The following CDH4 variants were observed in gnomAD, a reference collection of about 807,000 sequenced individuals.
CDH4 encodes cadherin 4.
Under a neutral mutation model 86.0 loss-of-function variants are expected in CDH4, and 33 were observed. The observed-to-expected ratio is 0.38, with a 90% confidence interval of 0.29 to 0.51. The LOEUF (loss-of-function observed/expected upper bound fraction) is 0.51. Among genes scored for constraint, CDH4 ranks in the 20% least tolerant of loss-of-function variants. The pLI, the probability that CDH4 is intolerant of heterozygous loss-of-function variation, is 0.86. For synonymous variants in CDH4, 555 were observed against 549.4 expected, an observed-to-expected ratio of 1.01 and a Z score of -0.14; for missense variants, 1,114 against 1,307.4, an observed-to-expected ratio of 0.85 and a Z score of 2.28.
At chr20:61,330,945 G>T (rs1600872088) in intron 2 of CDH4, among the ~76,000 whole-genome samples, 1 of 152,264 alleles carries the variant, frequency 6.6e-6, no homozygotes, top group East Asian at 1.9e-4. Flanking sequence ...ACACCTGGGA[G>T]AGGGTCTGTG....
At chr20:61,832,002 A>G (rs34842344) in intron 4 of CDH4, among the ~76,000 whole-genome samples, 67,842 of 152,126 alleles carry the variant, frequency 0.45, 17,206 homozygotes, top group Non-Finnish European at 0.58. Context: ...ATCTCCTTTG[A>G]CCAGGAGACC....
In CDH4 at chr20:61,458,617, T is replaced by A. The variant is rs533257718; in HGVS notation, c.169+203680T>A. On this transcript the variant is annotated intron_variant, in intron 2 of 15. Transcript: ENST00000614565. ...TAGTCATAATGGTAATGGTAATGAC[T>A]GGTGACAGTAGTGGTATTGGTGGTG... 9.3e-4 allele frequency among the ~76,000 whole-genome samples: 142 copies of A among 152,210 alleles called. 1 individual carries two copies. Among genetic ancestry groups the A allele is most frequent in the African/African-American group, 3.2e-3 (133 of 41,526 alleles).
chr20:61,643,210 G>A (rs968608291), intron 2 of CDH4, among the ~76,000 whole-genome samples: 2 of 152,184 alleles, frequency 1.3e-5, no homozygotes, highest in East Asian at 1.9e-4. Flanking sequence ...AGGGAGGGGG[G>A]GTGTAGAGAG....
At chr20:61,815,734 T>C (rs1162576197) in intron 4 of CDH4, among the ~76,000 whole-genome samples, 1 of 152,180 alleles carries the variant, frequency 6.6e-6, no homozygotes, top group Non-Finnish European at 1.5e-5. Context: ...AGAATTAAAA[T>C]AAACCAAAGG....
chr20:61,413,413 G>A (rs115886883), intron 2 of CDH4, among the ~76,000 whole-genome samples: 2,980 of 152,200 alleles, frequency 0.02, 92 homozygotes, highest in African/African-American at 0.066. Flanking sequence ...TTGTGGAGCC[G>A]GGCTTCTCCT....
intron 4 of CDH4, among the ~76,000 whole-genome samples, chr20:61,791,208 G>T (rs1236833605): frequency 4.6e-5 from 7 of 152,262 alleles, no homozygotes; most frequent in Non-Finnish European, 1.0e-4. Context: ...GACAGTGGTG[G>T]ACAATTCTTC....
Position 61,544,047 on chromosome 20 carries a change from C to T in CDH4, c.170-199516C>T, listed in dbSNP as rs552905562. Among the ~76,000 whole-genome samples the T allele has an allele frequency of 6.6e-6, 1 of 152,258 alleles. No homozygotes were observed. Among genetic ancestry groups the T allele is most frequent in the African/African-American group, 2.4e-5 (1 of 41,556 alleles). On this transcript the variant is annotated intron_variant, in intron 2 of 15. Transcript: ENST00000614565. The surrounding 1 kb of genome is among the most constrained non-coding windows in gnomAD (Gnocchi z 6.5). ...CTGGAGGCTGCCCCACACCCCCGGC[C>T]CCACACCTGGCTCTTGGCACTAAGG...
chr20:61,393,202 C>T lies in CDH4; in HGVS notation c.169+138265C>T, dbSNP rs1015946968. 6.6e-6 allele frequency among the ~76,000 whole-genome samples: 1 copy of T among 152,134 alleles called. No individual in the cohort carries two copies. Among genetic ancestry groups the T allele is most frequent in the Non-Finnish European group, 1.5e-5 (1 of 68,028 alleles). On this transcript the variant is annotated intron_variant, in intron 2 of 15. Coordinates refer to ENST00000614565, the MANE Select transcript of CDH4 (RefSeq NM_001794.5). The surrounding 1 kb of genome is among the most constrained non-coding windows in gnomAD (Gnocchi z 4.3). Reference sequence around the variant, plus strand: ...GGTGACATTGACAACACTGTTTAATCGGTCCTCGCGGGAGCTTCCCTGGGG... The same window carrying T: ...GGTGACATTGACAACACTGTTTAATTGGTCCTCGCGGGAGCTTCCCTGGGG...
intron 2 of CDH4, among the ~76,000 whole-genome samples, chr20:61,701,237 C>G (rs946837382): frequency 6.6e-6 from 1 of 152,230 alleles, no homozygotes; most frequent in Non-Finnish European, 1.5e-5. Context: ...CCACCTTACT[C>G]CAATATGACC....
intron 2 of CDH4, among the ~76,000 whole-genome samples, chr20:61,323,724 C>T (rs2084521397): frequency 6.6e-6 from 1 of 152,148 alleles, no homozygotes; most frequent in African/African-American, 2.4e-5. Context: ...TGTGGCTATG[C>T]AGGAACACTG....
At chr20:61,693,568 CCT>C (rs1357063709) in intron 2 of CDH4, among the ~76,000 whole-genome samples, 1 of 152,250 alleles carries the variant, frequency 6.6e-6, no homozygotes, top group Non-Finnish European at 1.5e-5. Flanking sequence ...CCACCTGCCT[CCT>C]CTGCCCTGCG....
Position 61,555,516 on chromosome 20 carries a change from G to A in CDH4, c.170-188047G>A, listed in dbSNP as rs544300263. 2.6e-5 allele frequency among the ~76,000 whole-genome samples: 4 copies of A among 152,300 alleles called. No individual in the cohort carries two copies. The East Asian group carries it at 7.7e-4, about 29-fold the overall frequency. ...CCTCACTCTCCAGCCCGGTCCATTT[G>A]CCATGACGATCATGCCCCACACCTG... On this transcript the variant is annotated intron_variant, in intron 2 of 15. Transcript: ENST00000614565.
chr20:61,828,247 G>T (rs1981415844), intron 4 of CDH4, among the ~76,000 whole-genome samples: 2 of 152,274 alleles, frequency 1.3e-5, no homozygotes, highest in African/African-American at 4.8e-5. Context: ...GAAAAAGAGA[G>T]AAAACAGACA....
At chr20:61,253,658 G>A (rs565921719) in intron 1 of CDH4, among the ~76,000 whole-genome samples, 1 of 152,312 alleles carries the variant, frequency 6.6e-6, no homozygotes, top group South Asian at 2.1e-4. Flanking sequence ...CTTCGTGGCC[G>A]ATGAAGAAAG....
At chr20:61,799,477 C>G (rs999830960) in intron 4 of CDH4, among the ~76,000 whole-genome samples, 1 of 152,224 alleles carries the variant, frequency 6.6e-6, no homozygotes. Context: ...AACCGTTAAC[C>G]ATTGGCACCT....
At chr20:61,917,087 ACT>A (rs1467318233) in intron 9 of CDH4, among the ~76,000 whole-genome samples, 23 of 152,278 alleles carry the variant, frequency 1.5e-4, no homozygotes, top group Non-Finnish European at 3.2e-4. Flanking sequence ...CAGCTCGGCC[ACT>A]GTCAAAAGAA....
intron 2 of CDH4, among the ~76,000 whole-genome samples, chr20:61,388,663 G>A (rs1450574075): frequency 6.6e-6 from 1 of 152,170 alleles, no homozygotes; most frequent in Non-Finnish European, 1.5e-5. Context: ...TCTGTATTGT[G>A]CTACAGCTTG....
intron 6 of CDH4, among the ~76,000 whole-genome samples, chr20:61,861,416 G>C (rs867247701): frequency 6.6e-6 from 1 of 152,162 alleles, no homozygotes; most frequent in African/African-American, 2.4e-5. Flanking sequence ...GGAAGTGAAG[G>C]CACCGTTCTG....
At chr20:61,382,426 G>C (rs2084908131) in intron 2 of CDH4, among the ~76,000 whole-genome samples, 1 of 152,226 alleles carries the variant, frequency 6.6e-6, no homozygotes. Context: ...CCCTGGCATG[G>C]GGGACCCCTG....
Sources: allele counts gnomAD v4.1 joint callset (sites outside exome capture counted in the v4.1 genomes callset), GRCh38; gene constraint gnomAD v4.1.1; non-coding constraint Gnocchi (gnomAD v3.1); transcripts MANE v1.5; gene names NCBI Gene and HGNC (gene_info 2026-07-23, HGNC 2026-07-21).